Variants in SMG6 observed in about 807,000 individuals in gnomAD.
SMG6 encodes SMG6 nonsense mediated mRNA decay factor.
Under a neutral mutation model 142.2 loss-of-function variants are expected in SMG6, and 66 were observed. The observed-to-expected ratio is 0.46, with a 90% CI of 0.38 to 0.57. The LOEUF (loss-of-function observed/expected upper bound fraction) is 0.57, where lower values mean the gene tolerates loss of function less well. SMG6 is among the 20% of genes least tolerant of loss of function. SMG6 has a pLI of 0.00. For missense variants in SMG6, 1,793 were observed against 1,832.0 expected (o/e 0.98, Z 0.39); for synonymous variants, 779 against 702.4 (o/e 1.11, Z -1.72).
intron 8 of SMG6, chr17:2,255,731 TG>T: frequency 5.2e-6 from 1 of 192,764 alleles, no homozygotes. Flanking sequence ...GGCGGTTTTG[TG>T]GAATAGAAAG....
rs1176856402 is a variant in SMG6 at position 2,061,343 on chromosome 17, C to T, written c.*149G>A. 5 of 779,126 alleles carry T rather than the reference C, an allele frequency of 6.4e-6. No individual in the cohort carries two copies. Among genetic ancestry groups the T allele is most frequent in the Non-Finnish European group, 8.0e-6 (4 of 497,182 alleles). The allele number at this position is 779,126 out of a possible 1,614,324, so 48.3% of individuals were successfully genotyped here. ...GGCTCTGTGAGGAGCAGGTCCCCCACAGCATGGCCGTGGCGTGGGTTGGAA... is the reference window on the plus strand; with the variant it reads ...GGCTCTGTGAGGAGCAGGTCCCCCATAGCATGGCCGTGGCGTGGGTTGGAA... On this transcript the variant is annotated 3_prime_UTR_variant, in exon 19 of 19. Coordinates refer to ENST00000263073, the MANE Select transcript of SMG6 (RefSeq NM_017575.5).
chr17:2,294,006 G>C (rs2075095235), intron 4 of SMG6, among the ~76,000 whole-genome samples: 1 of 151,940 alleles, frequency 6.6e-6, no homozygotes, highest in Non-Finnish European at 1.5e-5. Context: ...TCTCCCTAGG[G>C]AACACCACCT....
At chr17:2,186,256 CAAA>C (rs397771010) in intron 12 of SMG6, among the ~76,000 whole-genome samples, 7 of 111,162 alleles carry the variant, frequency 6.3e-5, no homozygotes, top group Non-Finnish European at 9.9e-5. Context: ...TACCCTGTTT[CAAA>C]AAAAAAAAAA....
intron 8 of SMG6, among the ~76,000 whole-genome samples, chr17:2,262,124 C>T (rs149609406): frequency 1.6e-4 from 25 of 152,292 alleles, no homozygotes; most frequent in Non-Finnish European, 2.6e-4. Flanking sequence ...TATCACAATT[C>T]CTCTTTCCCA....
chr17:2,072,956 C>T (rs2068146809), intron 15 of SMG6: 1 of 152,218 alleles, frequency 6.6e-6, no homozygotes, highest in African/African-American at 2.4e-5. Flanking sequence ...TTCCTTTCTT[C>T]CTTCCTAACT....
At chr17:2,193,869 C>G (rs1355580800) in intron 10 of SMG6, among the ~76,000 whole-genome samples, 1 of 152,218 alleles carries the variant, frequency 6.6e-6, no homozygotes, top group Non-Finnish European at 1.5e-5. Flanking sequence ...ACTCTGTCGT[C>G]TAGACTGGAG....
At chr17:2,257,320 G>A (rs748917693) in intron 8 of SMG6, among the ~76,000 whole-genome samples, 12 of 151,992 alleles carry the variant, frequency 7.9e-5, no homozygotes, top group African/African-American at 7.3e-5. Context: ...TCTTGAGCTC[G>A]TGATCTGCCC....
At chr17:2,268,877 A>G (rs1180610519) in intron 8 of SMG6, among the ~76,000 whole-genome samples, 1 of 146,338 alleles carries the variant, frequency 6.8e-6, no homozygotes, top group East Asian at 2.0e-4. Flanking sequence ...ACGCCAGTGC[A>G]CTCCAGCCTG....
intron 6 of SMG6, 63 bp from the exon 7 acceptor site, chr17:2,283,798 G>T: frequency 7.7e-7 from 1 of 1,301,338 alleles, no homozygotes; most frequent in Non-Finnish European, 1.1e-6. Flanking sequence ...GCAAGAGGCA[G>T]CTGACTCAGG....
chr17:2,080,011 G>A (rs1012929727), intron 15 of SMG6, among the ~76,000 whole-genome samples: 2 of 152,056 alleles, frequency 1.3e-5, no homozygotes, highest in African/African-American at 4.8e-5. Context: ...GGAGGCAGAG[G>A]TTGCAGTGAG....
chr17:2,072,000 AGAG>A lies in SMG6; in HGVS notation c.3682-3072_3682-3070del, dbSNP rs2068115280. On this transcript the variant is annotated intron_variant, in intron 15 of 18. Transcript: ENST00000263073. This position sits in a 1 kb window ranked among gnomAD's most constrained non-coding sequence, Gnocchi z 5.6. The stretch of plus-strand genomic sequence containing the variant: ...ATTCCGATCTCTGGGTCGCACGGTA[AGAG>A]GAGGACACAGGATGCGCAGGGAGTG... 2 of 152,120 alleles carry A rather than the reference AGAG, an allele frequency of 1.3e-5. No homozygotes were observed. Among genetic ancestry groups the A allele is most frequent in the African/African-American group, 4.8e-5 (2 of 41,408 alleles). 9.4% of individuals were successfully genotyped at this position (152,120 alleles called of 1,614,324 possible).
At chr17:2,087,269 A>G in intron 13 of SMG6, 1 of 1,280,254 alleles carries the variant, frequency 7.8e-7, no homozygotes, top group Non-Finnish European at 1.0e-6. Flanking sequence ...TACCACAGAG[A>G]GCAGATGAAG....
chr17:2,292,634 G>A lies in SMG6; in HGVS notation c.2259-4C>T. 1 of 1,559,902 alleles carries A rather than the reference G, an allele frequency of 6.4e-7. No homozygotes were observed. Among genetic ancestry groups the A allele is most frequent in the Non-Finnish European group, 8.7e-7 (1 of 1,151,292 alleles). On this transcript the variant is annotated splice_polypyrimidine_tract_variant and splice_region_variant and intron_variant, in intron 5 of 18. Transcript: ENST00000263073. ...GTGCTGGGCCTTCAGGTACCAACTA[G>A]AACAGAAAAAACAGTAAGAAAATGC... is the stretch of plus-strand genomic sequence containing the variant.
At chr17:2,277,177 T>A (rs1334905443) in intron 8 of SMG6, among the ~76,000 whole-genome samples, 1,621 of 120,416 alleles carry the variant, frequency 0.013, 40 homozygotes, top group African/African-American at 0.056. Context: ...TTTTTATTTT[T>A]TTTTTTTTTG....
At chr17:2,272,886 C>T (rs922175761) in intron 8 of SMG6, among the ~76,000 whole-genome samples, 48 of 151,494 alleles carry the variant, frequency 3.2e-4, no homozygotes, top group African/African-American at 1.1e-3. Flanking sequence ...GCTGAGTTCA[C>T]GCCACTGCAC....
At chr17:2,196,130 C>CA (rs1256647193) in intron 10 of SMG6, among the ~76,000 whole-genome samples, 1 of 152,082 alleles carries the variant, frequency 6.6e-6, no homozygotes, top group Non-Finnish European at 1.5e-5. Context: ...TGATGAAAAT[C>CA]AAAGACAAAG....
At chr17:2,227,925 A>G (rs1332444076) in intron 10 of SMG6, among the ~76,000 whole-genome samples, 1 of 152,244 alleles carries the variant, frequency 6.6e-6, no homozygotes, top group Non-Finnish European at 1.5e-5. Flanking sequence ...ATGAAAATAA[A>G]TCAACTACAG....
Position 2,120,698 on chromosome 17 carries a change from G to A in SMG6, c.3358-34797C>T, listed in dbSNP as rs77428493. On this transcript the variant is annotated intron_variant, in intron 13 of 18. Coordinates refer to ENST00000263073, the MANE Select transcript of SMG6 (RefSeq NM_017575.5). ...TGATTGTGCCACTGCTCTTTGGCTT[G>A]GGTGATAGAGCAAGACCCTGTCTGA... 5.4e-3 allele frequency among the ~76,000 whole-genome samples: 822 copies of A among 152,226 alleles called. 6 individuals are homozygous for A. Among genetic ancestry groups the A allele is most frequent in the Non-Finnish European group, 6.7e-3 (456 of 68,024 alleles).
chr17:2,278,389 C>T (rs1426611142), intron 8 of SMG6, among the ~76,000 whole-genome samples: 1 of 151,846 alleles, frequency 6.6e-6, no homozygotes, highest in Admixed American at 6.6e-5. Context: ...ATTTTTAGTA[C>T]AGATGGGGTT....
Sources: allele counts gnomAD v4.1 joint callset (sites outside exome capture counted in the v4.1 genomes callset), GRCh38; gene constraint gnomAD v4.1.1; non-coding constraint Gnocchi (gnomAD v3.1); transcripts MANE v1.5; gene names NCBI Gene and HGNC (gene_info 2026-07-23, HGNC 2026-07-21).